The following SLC10A7 variants were observed in gnomAD, a reference collection of about 807,000 sequenced individuals.
SLC10A7 encodes the protein solute carrier family 10 member 7.
In SLC10A7, 29 loss-of-function variants were observed where a neutral mutation model predicts 43.2. The observed-to-expected ratio is 0.67, with a 90% CI of 0.50 to 0.92. The LOEUF is 0.92. Ranked by LOEUF, SLC10A7 falls within the 40% of genes least tolerant of loss-of-function variation. The pLI is 0.00. For missense variants in SLC10A7, 295 were observed against 403.2 expected (o/e 0.73, Z 2.30); for synonymous variants, 152 against 144.8 (o/e 1.05, Z -0.35).
At chr4:146,379,120 A>G (rs780112219) in intron 5 of SLC10A7, among the ~76,000 whole-genome samples, 1 of 152,200 alleles carries the variant, frequency 6.6e-6, no homozygotes, top group Non-Finnish European at 1.5e-5. Context: ...ACAGAATTGC[A>G]GACTTAGGAA....
chr4:146,430,774 T>C (rs962159715), intron 5 of SLC10A7, among the ~76,000 whole-genome samples: 3 of 152,186 alleles, frequency 2.0e-5, no homozygotes, highest in Non-Finnish European at 4.4e-5. Context: ...TAACACTAGT[T>C]ACTCTAGTTA....
At chr4:146,486,206 A>G (rs1162783550) in intron 4 of SLC10A7, among the ~76,000 whole-genome samples, 1 of 152,252 alleles carries the variant, frequency 6.6e-6, no homozygotes, top group Admixed American at 6.5e-5. Flanking sequence ...CAGGTCATTC[A>G]AATAAGCTCT....
chr4:146,368,515 T>G (rs1736550057), intron 5 of SLC10A7, among the ~76,000 whole-genome samples: 1 of 152,218 alleles, frequency 6.6e-6, no homozygotes, highest in Admixed American at 6.5e-5. Context: ...CAAGTTATTA[T>G]TTTTACGTAG....
intron 4 of SLC10A7, among the ~76,000 whole-genome samples, chr4:146,498,676 A>G (rs1006649978): frequency 2.6e-5 from 4 of 152,248 alleles, no homozygotes; most frequent in Non-Finnish European, 5.9e-5. Flanking sequence ...ACTACTAAAC[A>G]GTATCATTTG....
At chr4:146,463,289 G>C (rs191356371) in intron 4 of SLC10A7, among the ~76,000 whole-genome samples, 129 of 152,146 alleles carry the variant, frequency 8.5e-4, no homozygotes, top group African/African-American at 3.1e-3. Context: ...AAGTTGTAAG[G>C]GGAGAAAAAC....
At chr4:146,420,027 G>C (rs750925463) in intron 5 of SLC10A7, among the ~76,000 whole-genome samples, 2 of 152,104 alleles carry the variant, frequency 1.3e-5, no homozygotes, top group African/African-American at 2.4e-5. Flanking sequence ...AAATGTATGA[G>C]AATGAAGAGG....
At chr4:146,466,549 G>A (rs907635216) in intron 4 of SLC10A7, among the ~76,000 whole-genome samples, 11 of 152,046 alleles carry the variant, frequency 7.2e-5, no homozygotes, top group African/African-American at 2.7e-4. Flanking sequence ...GTAAGGACAG[G>A]GGACAAAATC....
chr4:146,503,702 G>T, intron 4 of SLC10A7, 147 bp downstream of exon 4: 1 of 654,878 alleles, frequency 1.5e-6, no homozygotes, highest in Non-Finnish European at 2.7e-6. Flanking sequence ...CATCATGCTA[G>T]TATGTGAGTA....
At chr4:146,500,941 C>T (rs941172124) in intron 4 of SLC10A7, among the ~76,000 whole-genome samples, 4 of 152,228 alleles carry the variant, frequency 2.6e-5, no homozygotes, top group Admixed American at 6.5e-5. Context: ...CATTATTTTA[C>T]ACAGTGAACC....
rs535189317 is a variant in SLC10A7, at chr4:146,403,241, G to A, written c.435+39542C>T. ...TTCATGTTGTAGTAATTCTGAAAAC[G>A]TCTCAGCCATTTTCTTTCTGGAACT... is the stretch of plus-strand genomic sequence containing the variant. On this transcript the variant is annotated intron_variant, in intron 5 of 11. Coordinates refer to ENST00000335472, the MANE Select transcript of SLC10A7 (RefSeq NM_001029998.6). 8.5e-5 allele frequency among the ~76,000 whole-genome samples: 13 copies of A among 152,198 alleles called. No individual in the cohort carries two copies. The South Asian group carries it at 2.7e-3, about 32-fold the overall frequency.
At chr4:146,371,346 T>C (rs553728890) in intron 5 of SLC10A7, among the ~76,000 whole-genome samples, 190 of 152,206 alleles carry the variant, frequency 1.2e-3, no homozygotes, top group African/African-American at 4.4e-3. Flanking sequence ...TAATAATTAT[T>C]CGTTTGCTTG....
intron 2 of SLC10A7, among the ~76,000 whole-genome samples, chr4:146,511,035 A>G (rs934773755): frequency 6.6e-6 from 1 of 152,198 alleles, no homozygotes. Flanking sequence ...AGTAAATACT[A>G]TTATCCCTGT....
intron 5 of SLC10A7, among the ~76,000 whole-genome samples, chr4:146,413,547 C>T (rs979974716): frequency 6.6e-6 from 1 of 152,016 alleles, no homozygotes; most frequent in Non-Finnish European, 1.5e-5. Flanking sequence ...GTTCTTATTC[C>T]TAATAAGTTT....
At chr4:146,394,013 T>C (rs1446178655) in intron 5 of SLC10A7, among the ~76,000 whole-genome samples, 1 of 152,188 alleles carries the variant, frequency 6.6e-6, no homozygotes, top group East Asian at 1.9e-4. Context: ...CAAAGACCCA[T>C]AGAATATCCA....
intron 5 of SLC10A7, among the ~76,000 whole-genome samples, chr4:146,440,996 T>G (rs1487753813): frequency 6.6e-6 from 1 of 152,190 alleles, no homozygotes; most frequent in Non-Finnish European, 1.5e-5. Flanking sequence ...TAGTAACATC[T>G]TTCATACGGC....
At chr4:146,280,753 T>A in intron 10 of SLC10A7, among the ~76,000 whole-genome samples, 1 of 152,188 alleles carries the variant, frequency 6.6e-6, no homozygotes, top group Non-Finnish European at 1.5e-5. Flanking sequence ...CGGTGATCTG[T>A]CTGAGATAAG....
chr4:146,432,989 G>C (rs1247175805), intron 5 of SLC10A7, among the ~76,000 whole-genome samples: 1 of 150,898 alleles, frequency 6.6e-6, no homozygotes, highest in Non-Finnish European at 1.5e-5. Context: ...AGTGAGCCGA[G>C]ATCACGCCAC....
At chr4:146,458,279 T>C (rs1732253923) in intron 4 of SLC10A7, among the ~76,000 whole-genome samples, 1 of 151,730 alleles carries the variant, frequency 6.6e-6, no homozygotes, top group African/African-American at 2.4e-5. Flanking sequence ...ATTCAATATA[T>C]ATTGATGATA....
intron 5 of SLC10A7, among the ~76,000 whole-genome samples, chr4:146,345,722 TA>T (rs1367665383): frequency 1.2e-4 from 19 of 152,256 alleles, no homozygotes; most frequent in African/African-American, 4.6e-4. Context: ...CTATAAGCTT[TA>T]TGAGGAAAGG....
Sources: gnomAD v4.1 joint callset for allele counts (sites outside exome capture counted in the v4.1 genomes callset) on GRCh38, gnomAD v4.1.1 for gene constraint, MANE v1.5 for transcripts, NCBI Gene and HGNC (gene_info 2026-07-23, HGNC 2026-07-21) for gene names.